Variants in PDE1C observed in about 807,000 individuals in gnomAD.
The protein encoded by PDE1C is dual specificity calcium/calmodulin-dependent 3',5'-cyclic nucleotide phosphodiesterase 1C.
In PDE1C, 62 loss-of-function variants were observed where a neutral mutation model predicts 93.1. The ratio of observed to expected loss-of-function variants is 0.67; its 90% CI spans 0.54 to 0.82. The LOEUF is 0.82. PDE1C is among the 40% of genes least tolerant of loss of function. The probability of loss-of-function intolerance (pLI) is 0.00; values close to 1 mark genes in which losing one functional copy is unlikely to be tolerated. For missense variants in PDE1C, 742 were observed against 884.6 expected (o/e 0.84, Z 2.04); for synonymous variants, 325 against 310.1 (o/e 1.05, Z -0.50).
intron 1 of PDE1C, among the ~76,000 whole-genome samples, chr7:32,399,046 C>T (rs1422894387): frequency 2.6e-5 from 4 of 152,128 alleles, no homozygotes; most frequent in Admixed American, 6.5e-5. Context: ...GTGTTTTCCA[C>T]GGTATTCAGT....
intron 2 of PDE1C, among the ~76,000 whole-genome samples, chr7:32,040,467 T>C (rs943024955): frequency 2.0e-5 from 3 of 152,158 alleles, no homozygotes; most frequent in Admixed American, 6.6e-5. Flanking sequence ...AAAAACTGTC[T>C]GTAGACATTG....
At chr7:31,960,225 G>A (rs560050552) in intron 2 of PDE1C, among the ~76,000 whole-genome samples, 38 of 152,182 alleles carry the variant, frequency 2.5e-4, no homozygotes, top group African/African-American at 8.7e-4. Flanking sequence ...AAACTGAAGC[G>A]CACTATTTTA....
At chr7:31,925,666 GC>G (rs1803279316) in intron 2 of PDE1C, among the ~76,000 whole-genome samples, 1 of 152,018 alleles carries the variant, frequency 6.6e-6, no homozygotes, top group Non-Finnish European at 1.5e-5. Context: ...CATAATGTTT[GC>G]CATTTTTTAC....
intron 1 of PDE1C, among the ~76,000 whole-genome samples, chr7:32,328,959 G>T (rs999752478): frequency 3.3e-5 from 5 of 152,138 alleles, no homozygotes; most frequent in African/African-American, 1.2e-4. Flanking sequence ...CTGGCCAGGC[G>T]TGACAGCTCA....
chr7:32,389,437 G>A (rs896089639), intron 1 of PDE1C, among the ~76,000 whole-genome samples: 5 of 152,114 alleles, frequency 3.3e-5, no homozygotes, highest in East Asian at 3.9e-4. Flanking sequence ...GGCTGGTTTC[G>A]AACTCCTGAC....
intron 2 of PDE1C, among the ~76,000 whole-genome samples, chr7:32,185,985 T>A (rs1214495532): frequency 7.4e-6 from 1 of 135,458 alleles, no homozygotes; most frequent in African/African-American, 3.0e-5. Context: ...GAAACTCTGC[T>A]ACTTTCCCAT....
intron 1 of PDE1C, among the ~76,000 whole-genome samples, chr7:32,345,345 T>C (rs1303162742): frequency 6.6e-6 from 1 of 152,234 alleles, no homozygotes; most frequent in East Asian, 1.9e-4. Context: ...CTTGTGTTTC[T>C]ATAATAGAAT....
the PDE1C span, among the ~76,000 whole-genome samples, chr7:31,709,783 G>C: frequency 3.9e-5 from 6 of 152,188 alleles, no homozygotes; most frequent in South Asian, 2.1e-4. Flanking sequence ...TTCATGATTA[G>C]CATTATATTT....
intron 2 of PDE1C, among the ~76,000 whole-genome samples, chr7:31,928,136 T>A (rs1235273735): frequency 1.3e-5 from 2 of 151,860 alleles, no homozygotes; most frequent in African/African-American, 4.8e-5. Flanking sequence ...GAGAACTTCA[T>A]GAAGCATACA....
Position 31,880,815 on chromosome 7 carries a change from C to T in PDE1C, c.174G>A (p.Val58=), listed in dbSNP as rs142181635. 2 of 1,612,138 alleles carry T rather than the reference C, an allele frequency of 1.2e-6. No individual in the cohort carries two copies. Among genetic ancestry groups the T allele is most frequent in the African/African-American group, 2.7e-5 (2 of 75,010 alleles). ...ATTCCAAATTCTTCTTAAGATCTAC[C>T]ACTGAAGCTTCCCCTCTCTCTAATT... ...VKQLERGEAS[V]VDLKKNLEYA... The change falls in exon 3 of 18, where the codon GTG becomes GTA. Residue 58 remains valine (V), a synonymous_variant. Coordinates refer to ENST00000396191, the MANE Select transcript of PDE1C (RefSeq NM_001191057.4).
chr7:32,130,791 G>C (rs942826195), intron 3 of PDE1C, among the ~76,000 whole-genome samples: 1 of 151,980 alleles, frequency 6.6e-6, no homozygotes, highest in African/African-American at 2.4e-5. Context: ...GAAAAGGAGA[G>C]AGTCAACAAT....
chr7:32,321,081 T>G (rs1032237052), intron 1 of PDE1C, among the ~76,000 whole-genome samples: 2 of 152,222 alleles, frequency 1.3e-5, no homozygotes, highest in Admixed American at 1.3e-4. Context: ...TCTCTTGCTC[T>G]GATCTACTCT....
At chr7:32,055,700 A>T (rs1041790173) in intron 1 of PDE1C, among the ~76,000 whole-genome samples, 4 of 152,186 alleles carry the variant, frequency 2.6e-5, no homozygotes, top group Non-Finnish European at 4.4e-5. Flanking sequence ...TCGCAATCTG[A>T]AAGACAAAGG....
rs183450261 is a variant in PDE1C, at chr7:32,248,343, T to C, written c.86-38804A>G. On this transcript the variant is annotated intron_variant, in intron 1 of 18. Coordinates refer to the PDE1C transcript ENST00000396193. ...CTTCAAAGAACGTGCACCAAGAATG[T>C]GAAATTCACTGGATTATAAATACTT... is the stretch of plus-strand genomic sequence containing the variant. Among the ~76,000 whole-genome samples the C allele has an allele frequency of 2.0e-5, 3 of 152,252 alleles. No individual in the cohort carries two copies. In the East Asian group the frequency reaches 5.8e-4, roughly 29 times the overall value.
At chr7:31,880,922 T>C in intron 2 of PDE1C, 62 bp from the exon 3 acceptor site, 1 of 1,003,748 alleles carries the variant, frequency 1.0e-6, no homozygotes, top group South Asian at 1.3e-5. Context: ...ATCCTACAAC[T>C]ATGGTGATAC....
At chr7:32,237,271 T>C (rs1808173380) in intron 1 of PDE1C, among the ~76,000 whole-genome samples, 1 of 145,066 alleles carries the variant, frequency 6.9e-6, no homozygotes, top group Non-Finnish European at 1.5e-5. Context: ...GTATTTTTAA[T>C]AGAGACAGGG....
At chr7:31,873,502 C>G in intron 5 of PDE1C, 94 bp from the exon 6 acceptor site, 2 of 740,998 alleles carry the variant, frequency 2.7e-6, no homozygotes. Context: ...GCAGCCCTCA[C>G]TGGAGATTTC....
rs552201014 is a variant in PDE1C, at chr7:31,819,594, T to A, written c.1583-3440A>T. 2.0e-5 allele frequency among the ~76,000 whole-genome samples: 3 copies of A among 152,122 alleles called. No homozygotes were observed. In the South Asian group the frequency reaches 6.2e-4, roughly 32 times the overall value. ...CTGTCTGTGGTGTTGGGACTTGGGA[T>A]GAAAACAGCCAAGAGCAAGCAGCTA... On this transcript the variant is annotated intron_variant, in intron 14 of 17. Coordinates refer to ENST00000396191, the MANE Select transcript of PDE1C (RefSeq NM_001191057.4).
intron 16 of PDE1C, among the ~76,000 whole-genome samples, chr7:31,794,067 G>C (rs945500555): frequency 1.3e-5 from 2 of 148,768 alleles, no homozygotes; most frequent in African/African-American, 5.0e-5. Flanking sequence ...CAGACAGACA[G>C]ACAGACAGAC....
Sources: gnomAD v4.1 joint callset for allele counts (sites outside exome capture counted in the v4.1 genomes callset) on GRCh38, gnomAD v4.1.1 for gene constraint, MANE v1.5 for transcripts, NCBI Gene and HGNC (gene_info 2026-07-23, HGNC 2026-07-21) for gene names.